ADAMTS18: variants seen among roughly 807,000 people sequenced by gnomAD.
ADAMTS18 encodes the protein ADAM metallopeptidase with thrombospondin type 1 motif 18, also known as A disintegrin and metalloproteinase with thrombospondin motifs 18.
In ADAMTS18, 157 loss-of-function variants were observed where a neutral mutation model predicts 165.9. That is an observed-to-expected ratio of 0.95 (90% confidence interval 0.83 to 1.08). The LOEUF is 1.08. Ranked by LOEUF, ADAMTS18 falls within the 50% of genes least tolerant of loss-of-function variation. The pLI is 0.00. For synonymous variants in ADAMTS18, 782 were observed against 578.2 expected (o/e 1.35, Z -5.06); for missense variants, 2,040 against 1,534.0 (o/e 1.33, Z -5.51).
At chr16:77,408,014 G>C (rs926056902) in intron 3 of ADAMTS18, among the ~76,000 whole-genome samples, 1 of 152,034 alleles carries the variant, frequency 6.6e-6, no homozygotes, top group Non-Finnish European at 1.5e-5. Flanking sequence ...TATCCAAAGA[G>C]ATGCCATACC....
intron 16 of ADAMTS18, among the ~76,000 whole-genome samples, chr16:77,318,187 A>G (rs1011527310): frequency 1.3e-5 from 2 of 152,374 alleles, no homozygotes; most frequent in Admixed American, 1.3e-4. Context: ...AGTATTGGTC[A>G]AAATACATGG....
At chr16:77,338,547 T>C (rs2056347776) in intron 11 of ADAMTS18, among the ~76,000 whole-genome samples, 1 of 151,558 alleles carries the variant, frequency 6.6e-6, no homozygotes, top group Non-Finnish European at 1.5e-5. Context: ...CCAGCATACA[T>C]ATTTCTGGCA....
chr16:77,311,563 A>G (rs1307531506), intron 16 of ADAMTS18, among the ~76,000 whole-genome samples: 1 of 152,168 alleles, frequency 6.6e-6, no homozygotes, highest in East Asian at 1.9e-4. Context: ...CATTTTAGAG[A>G]GATACAAGCA....
At chr16:77,314,753 C>CTTATATATATATATATAAATATATATAT (rs1555511655) in intron 16 of ADAMTS18, among the ~76,000 whole-genome samples, 1 of 36,902 alleles carries the variant, frequency 2.7e-5, no homozygotes, top group Non-Finnish European at 5.4e-5. Flanking sequence ...TCTCAGGTTT[C>CTTATATATATATATATAAATATATATAT]ATATATATAT....
chr16:77,320,480 A>C (rs1597118277), intron 15 of ADAMTS18, among the ~76,000 whole-genome samples: 1 of 152,122 alleles, frequency 6.6e-6, no homozygotes, highest in East Asian at 1.9e-4. Context: ...CTTTACTAAA[A>C]ATACAAAAAT....
At chr16:77,326,765 T>C (rs1439702127) in intron 12 of ADAMTS18, among the ~76,000 whole-genome samples, 1 of 152,270 alleles carries the variant, frequency 6.6e-6, no homozygotes, top group African/African-American at 2.4e-5. Flanking sequence ...TAAAGTTTTG[T>C]TATACAGTTA....
chr16:77,381,580 G>A (rs1305336816), intron 3 of ADAMTS18, among the ~76,000 whole-genome samples: 10 of 152,048 alleles, frequency 6.6e-5, no homozygotes, highest in Admixed American at 6.6e-4. Context: ...GCGGCAGGTG[G>A]ATCACGAGGT....
intron 2 of ADAMTS18, chr16:77,431,894 G>A (rs1203005057): frequency 2.0e-6 from 1 of 508,722 alleles, no homozygotes; most frequent in African/African-American, 1.9e-5. Flanking sequence ...TGTCTGGAGA[G>A]AGATTTAGAA....
chr16:77,432,724 A>C (rs1288481349), intron 2 of ADAMTS18, among the ~76,000 whole-genome samples: 1 of 151,956 alleles, frequency 6.6e-6, no homozygotes, highest in Non-Finnish European at 1.5e-5. Flanking sequence ...AAGGAAGAGA[A>C]ATTTCTCTTT....
chr16:77,367,815 T>C, intron 3 of ADAMTS18, 92 bp from the exon 4 acceptor site: 5 of 1,462,184 alleles, frequency 3.4e-6, no homozygotes, highest in Non-Finnish European at 4.8e-6. Flanking sequence ...CTAATTCCTG[T>C]ATGTGGGCAC....
chr16:77,366,560 C>A (rs962693449), intron 4 of ADAMTS18, among the ~76,000 whole-genome samples: 1 of 151,868 alleles, frequency 6.6e-6, no homozygotes, highest in South Asian at 2.1e-4. Context: ...CTGTCTCAAA[C>A]AAAACAAAAC....
At chr16:77,383,035 G>A (rs965084963) in intron 3 of ADAMTS18, among the ~76,000 whole-genome samples, 3 of 152,280 alleles carry the variant, frequency 2.0e-5, no homozygotes, top group Admixed American at 2.0e-4. Flanking sequence ...CCTATGGAAT[G>A]TGGCATTATG....
Position 77,292,984 on chromosome 16 carries a change from T to G in ADAMTS18, c.3189+92A>C, listed in dbSNP as rs543062266. 3.2e-6 allele frequency: 5 copies of G among 1,545,430 alleles called. No individual in the cohort carries two copies. The South Asian group carries it at 5.6e-5, about 17-fold the overall frequency. On this transcript the variant is annotated intron_variant, in intron 20 of 22. Coordinates refer to ENST00000282849, the MANE Select transcript of ADAMTS18 (RefSeq NM_199355.4). ...ACAGGCGCCTGCCACCTTGCCTGGC[T>G]AATTTTTTGTATTTTTAGTAGAGAC...
intron 3 of ADAMTS18, among the ~76,000 whole-genome samples, chr16:77,427,052 G>A (rs1461934474): frequency 1.3e-5 from 2 of 149,762 alleles, no homozygotes; most frequent in African/African-American, 2.4e-5. Context: ...GAGTCAATGT[G>A]TCTAACAAGT....
intron 16 of ADAMTS18, among the ~76,000 whole-genome samples, chr16:77,316,201 A>C (rs2650901): frequency 6.6e-6 from 1 of 151,348 alleles, no homozygotes; most frequent in Non-Finnish European, 1.5e-5. Context: ...CCATTTTCCT[A>C]TTTCCCCAGT....
chr16:77,326,144 T>C (rs746170592), intron 12 of ADAMTS18, 106 bp from the exon 13 acceptor site: 2 of 1,076,164 alleles, frequency 1.9e-6, no homozygotes, highest in South Asian at 1.3e-5. Flanking sequence ...TGCCACAGTG[T>C]ATGCAAAGGC....
intron 10 of ADAMTS18, among the ~76,000 whole-genome samples, chr16:77,353,159 A>G (rs1424215512): frequency 2.0e-5 from 3 of 152,206 alleles, no homozygotes; most frequent in Non-Finnish European, 4.4e-5. Flanking sequence ...GTAAAATGTC[A>G]TTCTTGACCA....
chr16:77,335,801 C>T lies in ADAMTS18; in HGVS notation c.1814G>A (p.Cys605Tyr). The change falls in exon 12 of 23, where the codon TGT (cysteine) becomes TAT (tyrosine). Residue 605 changes from cysteine to tyrosine, a missense_variant. Cys to Tyr is a radical substitution (Grantham distance 194, BLOSUM62 -2). Transcript: ENST00000282849. The stretch of plus-strand genomic sequence containing the variant: ...CTCCTGGAACTTGACTCCTCCACCA[C>T]ATGTCCGGGAACATTCTGACCACTT... Reference protein sequence around the residue: ...WSKWSECSRTCGGGVKFQERH... With the variant: ...WSKWSECSRTYGGGVKFQERH... 6.2e-7 allele frequency: 1 copy of T among 1,614,238 alleles called. No individual in the cohort carries two copies. Among genetic ancestry groups the T allele is most frequent in the Non-Finnish European group, 8.5e-7 (1 of 1,180,044 alleles).
In ADAMTS18 at chr16:77,356,035, C is replaced by G. The variant is rs1286023232; in HGVS notation, c.1365G>C (p.Lys455Asn). The G allele has an allele frequency of 3.1e-6, 5 of 1,614,026 alleles. No homozygotes were observed. Among genetic ancestry groups the G allele is most frequent in the Non-Finnish European group, 4.2e-6 (5 of 1,179,972 alleles). Residue 455 changes from lysine (K) to asparagine (N), a missense_variant, in exon 9 of 23, where the codon AAG (lysine) becomes AAC (asparagine). By Grantham distance (94) the Lys-to-Asn change is moderately conservative (BLOSUM62 0). Coordinates refer to ENST00000282849, the MANE Select transcript of ADAMTS18 (RefSeq NM_199355.4). ...TGGGAGACATGATATTGCCTTCAGC[C>G]TTTCTGCAGGGATTCCCTTCTCCAT... ...IHDGEGNPCRKAEGNIMSPTL... is the reference protein window; with the variant it reads ...IHDGEGNPCRNAEGNIMSPTL...
Sources: allele counts gnomAD v4.1 joint callset (sites outside exome capture counted in the v4.1 genomes callset), GRCh38; gene constraint gnomAD v4.1.1; transcripts MANE v1.5; gene names NCBI Gene and HGNC (gene_info 2026-07-23, HGNC 2026-07-21).